The following RAB3GAP2 variants were observed in gnomAD, a reference collection of about 807,000 sequenced individuals.
The protein encoded by RAB3GAP2 is rab3 GTPase-activating protein non-catalytic subunit.
A neutral mutation model predicts 185.3 loss-of-function variants in RAB3GAP2; 87 were observed. The observed-to-expected ratio is 0.47, with a 90% CI of 0.39 to 0.56. The LOEUF (loss-of-function observed/expected upper bound fraction) is 0.56. RAB3GAP2 is among the 20% of genes least tolerant of loss of function. RAB3GAP2 has a pLI of 0.00. For synonymous variants in RAB3GAP2, 554 were observed against 576.1 expected (o/e 0.96, Z 0.55); for missense variants, 1,492 against 1,638.2 (o/e 0.91, Z 1.54).
chr1:220,233,634 A>T (rs1279369982), intron 1 of RAB3GAP2, among the ~76,000 whole-genome samples: 1 of 152,194 alleles, frequency 6.6e-6, no homozygotes, highest in East Asian at 1.9e-4. Context: ...CCCCAGAATC[A>T]CGCTGCCTAA....
rs1657687643 is a variant in RAB3GAP2 at position 220,148,998 on chromosome 1, T to A, written c.*2253A>T. ...TATCTAGGAAAACACTACTGGTTAC[T>A]GGCTTCTCATCAATAACTACAAAGT... On this transcript the variant is annotated 3_prime_UTR_variant, in exon 35 of 35. Coordinates refer to ENST00000358951, the MANE Select transcript of RAB3GAP2 (RefSeq NM_012414.4). 6.6e-6 allele frequency: 1 copy of A among 152,232 alleles called. No individual in the cohort carries two copies. Among genetic ancestry groups the A allele is most frequent in the Non-Finnish European group, 1.5e-5 (1 of 68,034 alleles). 9.4% of individuals were successfully genotyped at this position (152,232 alleles called of 1,614,324 possible).
chr1:220,196,839 T>C (rs1256938075), intron 9 of RAB3GAP2, among the ~76,000 whole-genome samples: 1 of 151,446 alleles, frequency 6.6e-6, no homozygotes, highest in Admixed American at 6.6e-5. Flanking sequence ...CTCAAAAAAA[T>C]AATAATAATA....
intron 1 of RAB3GAP2, chr1:220,254,197 A>T: frequency 6.2e-7 from 1 of 1,613,548 alleles, no homozygotes; most frequent in African/African-American, 1.3e-5. Context: ...CACAGATAAT[A>T]AGGAGTATGC....
intron 33 of RAB3GAP2, among the ~76,000 whole-genome samples, chr1:220,152,648 T>C (rs1361637994): frequency 6.6e-6 from 1 of 152,212 alleles, no homozygotes; most frequent in African/African-American, 2.4e-5. Context: ...AATGTCACCT[T>C]CTCTGACCAC....
chr1:220,182,715 T>A lies in RAB3GAP2; in HGVS notation c.2212+3A>T. On this transcript the variant is annotated splice_donor_region_variant and intron_variant, in intron 20 of 34. Coordinates refer to ENST00000358951, the MANE Select transcript of RAB3GAP2 (RefSeq NM_012414.4). ...ACAAAGACCAGTGTATTATTTTACC[T>A]ACCTAAAGCCACATATTCCTCTTCA... The A allele has an allele frequency of 6.3e-7, 1 of 1,575,350 alleles. No individual in the cohort carries two copies. The highest frequency in any genetic ancestry group is 8.6e-7 in the Non-Finnish European group (1 of 1,162,842).
intron 21 of RAB3GAP2, among the ~76,000 whole-genome samples, chr1:220,181,348 G>A (rs1339737965): frequency 6.6e-6 from 1 of 152,074 alleles, no homozygotes; most frequent in Non-Finnish European, 1.5e-5. Flanking sequence ...GTAATGGAGG[G>A]GGAGGTTCCT....
intron 1 of RAB3GAP2, among the ~76,000 whole-genome samples, chr1:220,263,100 G>A (rs569846420): frequency 3.8e-4 from 57 of 151,348 alleles, no homozygotes; most frequent in African/African-American, 9.7e-4. Flanking sequence ...TATCATCCTT[G>A]AAGAAATGTC....
chr1:220,205,469 G>A (rs1025228251), intron 8 of RAB3GAP2, among the ~76,000 whole-genome samples: 2 of 152,106 alleles, frequency 1.3e-5, no homozygotes, highest in Admixed American at 1.3e-4. Context: ...AGGGAGGATG[G>A]AAGCAATGTA....
At chr1:220,161,998 T>C (rs1254083221) in intron 28 of RAB3GAP2, among the ~76,000 whole-genome samples, 200 bp downstream of exon 28, 1 of 152,200 alleles carries the variant, frequency 6.6e-6, no homozygotes, top group African/African-American at 2.4e-5. Flanking sequence ...TATAATATAT[T>C]AGTCTCTTTA....
intron 1 of RAB3GAP2, chr1:220,267,723 A>T: frequency 1.9e-6 from 3 of 1,567,818 alleles, no homozygotes; most frequent in South Asian, 2.2e-5. Flanking sequence ...GTGACTGGAG[A>T]CAAGCTTTTG....
At chr1:220,190,218 CT>C (rs988703572) in intron 15 of RAB3GAP2, 72 bp from the exon 16 acceptor site, 152 of 1,507,182 alleles carry the variant, frequency 1.0e-4, no homozygotes, top group Non-Finnish European at 1.2e-4. Flanking sequence ...CACACTCCAA[CT>C]TTTTTTTCCT....
intron 17 of RAB3GAP2, among the ~76,000 whole-genome samples, chr1:220,188,339 A>G (rs933561958): frequency 2.0e-5 from 3 of 152,202 alleles, no homozygotes; most frequent in African/African-American, 4.8e-5. Context: ...TTAGAAAATA[A>G]GTAGTCATTA....
chr1:220,155,332 G>A (rs879609099), intron 31 of RAB3GAP2, among the ~76,000 whole-genome samples: 2 of 152,130 alleles, frequency 1.3e-5, no homozygotes, highest in Non-Finnish European at 2.9e-5. Context: ...AATCATCTGT[G>A]ATTCTAGGTC....
chr1:220,174,781 C>A (rs978950255), intron 21 of RAB3GAP2, among the ~76,000 whole-genome samples: 5 of 152,102 alleles, frequency 3.3e-5, no homozygotes. Context: ...ATACATATAT[C>A]GTACTTTTGA....
rs906352283 is a variant in RAB3GAP2 at position 220,266,362 on chromosome 1, A to C, written c.115+5861T>G. The C allele has an allele frequency of 1.2e-5, 5 of 408,878 alleles. No individual in the cohort carries two copies. In the East Asian group the frequency reaches 1.4e-4, roughly 12 times the overall value. The allele number at this position is 408,878 out of a possible 1,614,324, so 25.3% of individuals were successfully genotyped here. Reference sequence around the variant, plus strand: ...GCTCCTTAACCGATCGAGTCAGCACAAAGTGGTCACTTTCCCCATAGCCAG... The same window carrying C: ...GCTCCTTAACCGATCGAGTCAGCACCAAGTGGTCACTTTCCCCATAGCCAG... On this transcript the variant is annotated intron_variant, in intron 1 of 34. Transcript: ENST00000358951.
intron 4 of RAB3GAP2, chr1:220,211,242 A>G (rs1301891918): frequency 3.1e-6 from 2 of 654,814 alleles, no homozygotes; most frequent in Non-Finnish European, 5.6e-6. Flanking sequence ...TTCACTCTGT[A>G]TTGTCATGAA....
intron 7 of RAB3GAP2, among the ~76,000 whole-genome samples, chr1:220,206,580 T>C (rs1658971931): frequency 6.6e-6 from 1 of 152,216 alleles, no homozygotes; most frequent in African/African-American, 2.4e-5. Context: ...CTTCCACTCT[T>C]GCTCTCTACA....
chr1:220,180,942 G>GA (rs1363394599), intron 21 of RAB3GAP2, among the ~76,000 whole-genome samples: 11 of 150,288 alleles, frequency 7.3e-5, no homozygotes, highest in South Asian at 4.2e-4. Flanking sequence ...AAAATATTCA[G>GA]AAAAAAAAAG....
At chr1:220,264,658 AC>A (rs1244136333) in intron 1 of RAB3GAP2, among the ~76,000 whole-genome samples, 1 of 151,722 alleles carries the variant, frequency 6.6e-6, no homozygotes, top group East Asian at 2.0e-4. Context: ...AACACATCCC[AC>A]CCTCCCACCA....
Sources: gnomAD v4.1 joint callset for allele counts (sites outside exome capture counted in the v4.1 genomes callset) on GRCh38, gnomAD v4.1.1 for gene constraint, MANE v1.5 for transcripts, NCBI Gene and HGNC (gene_info 2026-07-23, HGNC 2026-07-21) for gene names.